The following FRMD5 variants were observed in gnomAD, a reference collection of about 807,000 sequenced individuals.
The protein encoded by FRMD5 is FERM domain-containing protein 5.
In FRMD5, 20 loss-of-function variants were observed where a neutral mutation model predicts 69.0. The observed-to-expected ratio is 0.29, with a 90% CI of 0.20 to 0.42. FRMD5 has a LOEUF of 0.42. Among genes scored for constraint, FRMD5 ranks in the 10% least tolerant of loss-of-function variants. The pLI, the probability that FRMD5 is intolerant of heterozygous loss-of-function variation, is 1.00. For missense variants in FRMD5, 595 were observed against 708.6 expected, an observed-to-expected ratio of 0.84 and a Z score of 1.82; for synonymous variants, 271 against 260.1, an observed-to-expected ratio of 1.04 and a Z score of -0.40.
At chr15:44,131,042 G>A (rs2077090822) in intron 1 of FRMD5, among the ~76,000 whole-genome samples, 1 of 152,122 alleles carries the variant, frequency 6.6e-6, no homozygotes, top group Non-Finnish European at 1.5e-5. Context: ...TAGCCTAACA[G>A]TTTCTAATCC....
chr15:44,041,451 C>G (rs1240998882), intron 1 of FRMD5, among the ~76,000 whole-genome samples: 2 of 152,220 alleles, frequency 1.3e-5, no homozygotes, highest in Non-Finnish European at 2.9e-5. Context: ...CTACAGAACT[C>G]TCCACCCCAA....
chr15:44,171,698 C>T (rs2077806800), intron 1 of FRMD5, among the ~76,000 whole-genome samples: 1 of 152,164 alleles, frequency 6.6e-6, no homozygotes, highest in African/African-American at 2.4e-5. Flanking sequence ...TTCTACCCCT[C>T]CATGAATGAT....
intron 1 of FRMD5, among the ~76,000 whole-genome samples, chr15:44,029,380 T>C (rs1891581272): frequency 6.6e-6 from 1 of 151,340 alleles, no homozygotes. Context: ...GCAGTCACAA[T>C]AAGAAAGCAG....
intron 1 of FRMD5, among the ~76,000 whole-genome samples, chr15:44,185,062 A>T (rs989408920): frequency 2.6e-5 from 4 of 152,246 alleles, no homozygotes; most frequent in African/African-American, 7.2e-5. Context: ...CAAACTTTTT[A>T]AAATTATTTA....
At chr15:44,171,129 TAAGTAA>T (rs2077795118) in intron 1 of FRMD5, among the ~76,000 whole-genome samples, 1 of 152,220 alleles carries the variant, frequency 6.6e-6, no homozygotes, top group Non-Finnish European at 1.5e-5. Flanking sequence ...CCTAAAATAT[TAAGTAA>T]AAGAACCTAC....
intron 1 of FRMD5, among the ~76,000 whole-genome samples, chr15:44,020,159 C>T (rs142877586): frequency 6.6e-6 from 1 of 150,834 alleles, no homozygotes; most frequent in African/African-American, 2.4e-5. Flanking sequence ...TTTTCTGAGA[C>T]AGGGTTTTGC....
chr15:44,199,223 A>T (rs1467295850), upstream of FRMD5, among the ~76,000 whole-genome samples: 1 of 152,084 alleles, frequency 6.6e-6, no homozygotes, highest in Non-Finnish European at 1.5e-5. Context: ...CCAAGCTATA[A>T]CTCCTAACAA....
At chr15:43,929,359 G>A (rs2089637340) in intron 1 of FRMD5, among the ~76,000 whole-genome samples, 2 of 152,166 alleles carry the variant, frequency 1.3e-5, no homozygotes, top group African/African-American at 4.8e-5. Flanking sequence ...CAGGCTCTCT[G>A]GCATGCAGCA....
intron 1 of FRMD5, among the ~76,000 whole-genome samples, chr15:43,930,484 G>A (rs1003821416): frequency 6.6e-6 from 1 of 152,226 alleles, no homozygotes; most frequent in South Asian, 2.1e-4. Flanking sequence ...ACAATGCCAG[G>A]AGGCTGCTGT....
chr15:44,089,785 C>G (rs1483369684), intron 1 of FRMD5, among the ~76,000 whole-genome samples: 1 of 151,950 alleles, frequency 6.6e-6, no homozygotes, highest in Non-Finnish European at 1.5e-5. Flanking sequence ...AGCAAAGGAA[C>G]TGGGACATAA....
In FRMD5 at chr15:43,888,195, G is replaced by A. The variant is rs753091030; in HGVS notation, c.864C>T (p.Ile288=). ...CTCACTTGTAGAAGGCTTGGTTCTCGATTCCACATTTCCAGAGGTGCTTAC... is the reference window on the plus strand; with the variant it reads ...CTCACTTGTAGAAGGCTTGGTTCTCAATTCCACATTTCCAGAGGTGCTTAC... ...EACKHLWKCG[I]ENQAFYKLEK... is the part of the protein sequence containing the mutation. The change falls in exon 10 of 14, where the codon ATC becomes ATT. Residue 288 remains isoleucine (I), a synonymous_variant. Coordinates refer to ENST00000417257, the MANE Select transcript of FRMD5 (RefSeq NM_032892.5). 2.9e-5 allele frequency: 47 copies of A among 1,613,418 alleles called. 2 individuals carry two copies. The South Asian group carries it at 3.8e-4, about 13-fold the overall frequency.
chr15:44,101,777 T>G (rs2076644426), intron 1 of FRMD5, among the ~76,000 whole-genome samples: 1 of 152,328 alleles, frequency 6.6e-6, no homozygotes, highest in South Asian at 2.1e-4. Context: ...GGAAAGGTGG[T>G]TATGACATTG....
rs1366807150 is a variant in FRMD5, at chr15:43,875,363, A to AAAAT, written c.1136-902_1136-901insATTT. ...AAGACTGTCTCAAAAAAAAAAAAAAAATATATATATATATATATATATATA... is the reference window on the plus strand; with the variant it reads ...AAGACTGTCTCAAAAAAAAAAAAAAAAAATATATATATATATATATATATATATA... On this transcript the variant is annotated intron_variant, in intron 13 of 13. Coordinates refer to ENST00000417257, the MANE Select transcript of FRMD5 (RefSeq NM_032892.5). Among the ~76,000 whole-genome samples the AAAAT allele has an allele frequency of 2.9e-3, 302 of 105,248 alleles. 4 individuals are homozygous for AAAAT. The highest frequency in any genetic ancestry group is 0.01 in the African/African-American group (259 of 24,712). 69.0% of individuals were successfully genotyped at this position (105,248 alleles called of 152,430 possible).
intron 1 of FRMD5, among the ~76,000 whole-genome samples, chr15:44,017,210 C>T (rs1393979829): frequency 3.3e-5 from 5 of 151,784 alleles, no homozygotes; most frequent in Non-Finnish European, 5.9e-5. Flanking sequence ...TGGTGGTGGG[C>T]GCCTGTAGTC....
intron 1 of FRMD5, among the ~76,000 whole-genome samples, chr15:44,019,297 C>T (rs1010431956): frequency 6.6e-6 from 1 of 152,102 alleles, no homozygotes; most frequent in Non-Finnish European, 1.5e-5. Flanking sequence ...ATTAGCACAG[C>T]TAGTACATAC....
chr15:44,024,752 G>T (rs955435911), intron 1 of FRMD5, among the ~76,000 whole-genome samples: 1 of 152,076 alleles, frequency 6.6e-6, no homozygotes, highest in Non-Finnish European at 1.5e-5. Context: ...TTTTATCTTT[G>T]TTTATAGTAA....
intron 1 of FRMD5, among the ~76,000 whole-genome samples, chr15:44,105,004 G>C (rs1353829244): frequency 6.6e-6 from 1 of 151,696 alleles, no homozygotes; most frequent in Non-Finnish European, 1.5e-5. Flanking sequence ...TCCACTTTTT[G>C]GCTATCATGA....
At chr15:44,062,063 T>C (rs1320764182) in intron 1 of FRMD5, among the ~76,000 whole-genome samples, 1 of 152,208 alleles carries the variant, frequency 6.6e-6, no homozygotes, top group Non-Finnish European at 1.5e-5. Flanking sequence ...GGAAATACAA[T>C]CTGAACAGCC....
chr15:44,170,596 A>C (rs1003240601), intron 1 of FRMD5, among the ~76,000 whole-genome samples: 4 of 151,986 alleles, frequency 2.6e-5, no homozygotes, highest in Non-Finnish European at 5.9e-5. Context: ...GTTTCCCCAT[A>C]ATTTTTCCCA....
Sources: allele counts gnomAD v4.1 joint callset (sites outside exome capture counted in the v4.1 genomes callset), GRCh38; gene constraint gnomAD v4.1.1; transcripts MANE v1.5; gene names NCBI Gene and HGNC (gene_info 2026-07-23, HGNC 2026-07-21).